Variants in AKNA observed in about 807,000 individuals in gnomAD.
AKNA encodes the protein AT-hook transcription factor.
AKNA carries 67 observed loss-of-function variants against 138.8 expected under a neutral mutation model. The ratio of observed to expected loss-of-function variants is 0.48; its 90% CI spans 0.40 to 0.59. AKNA has a LOEUF of 0.59. Ranked by LOEUF, AKNA falls within the 20% of genes least tolerant of loss-of-function variation. The pLI is 0.00. For missense variants in AKNA, 1,813 were observed against 1,880.4 expected, an observed-to-expected ratio of 0.96 and a Z score of 0.66; for synonymous variants, 737 against 754.4, an observed-to-expected ratio of 0.98 and a Z score of 0.38.
At chr9:114,393,020 A>G (rs1834405540) in intron 1 of AKNA, among the ~76,000 whole-genome samples, 1 of 152,192 alleles carries the variant, frequency 6.6e-6, no homozygotes, top group Non-Finnish European at 1.5e-5. Flanking sequence ...CGTGCCAGGA[A>G]GGGACTGCTA....
upstream of AKNA, among the ~76,000 whole-genome samples, chr9:114,391,466 T>C (rs1040628248): frequency 2.0e-5 from 3 of 152,116 alleles, no homozygotes; most frequent in African/African-American, 7.2e-5. Flanking sequence ...CGAGTATTAT[T>C]CCATTGTATA....
intron 21 of AKNA, among the ~76,000 whole-genome samples, chr9:114,337,931 G>A (rs1431282937): frequency 6.6e-6 from 1 of 152,182 alleles, no homozygotes; most frequent in Non-Finnish European, 1.5e-5. Context: ...GGAATGGGCT[G>A]ACAAGCCCAT....
intron 7 of AKNA, among the ~76,000 whole-genome samples, chr9:114,362,780 G>C (rs1832073385): frequency 6.6e-6 from 1 of 152,232 alleles, no homozygotes; most frequent in South Asian, 2.1e-4. Context: ...ACCAGCTCCA[G>C]AGGGCACCAG....
chr9:114,353,265 T>TG (rs1350562196), intron 14 of AKNA, among the ~76,000 whole-genome samples: 2 of 151,842 alleles, frequency 1.3e-5, no homozygotes, highest in Non-Finnish European at 2.9e-5. Context: ...TTTTTTGTTT[T>TG]TTTTTTTTAT....
intron 1 of AKNA, among the ~76,000 whole-genome samples, chr9:114,385,280 C>A (rs1833951404): frequency 6.6e-6 from 1 of 152,208 alleles, no homozygotes; most frequent in Non-Finnish European, 1.5e-5. Flanking sequence ...TCTAAGCGTG[C>A]AGTTTCCTGA....
Position 114,343,937 on chromosome 9 carries a change from G to T in AKNA, c.3662-134C>A, listed in dbSNP as rs1766085. ...CTGTCTCTCTCTCACGTGTGCACAC[G>T]GTGAGTGTGCATACACACATCATGT... On this transcript the variant is annotated intron_variant, in intron 18 of 21. Transcript: ENST00000374088. 522 of 740,714 alleles carry T rather than the reference G, an allele frequency of 7.0e-4. 6 individuals are homozygous for T. The East Asian group carries it at 0.012, about 17-fold the overall frequency. 45.9% of individuals were successfully genotyped at this position (740,714 alleles called of 1,614,324 possible). A position where few individuals can be genotyped will look rare whatever the true frequency, so the allele number is the denominator to read the frequency against.
At chr9:114,397,852 T>A (rs897859838), upstream of AKNA, among the ~76,000 whole-genome samples, 2 of 152,138 alleles carry the variant, frequency 1.3e-5, no homozygotes, top group Non-Finnish European at 2.9e-5. Context: ...TTGTTCTACC[T>A]TCCCCCCCGC....
At chr9:114,375,060 G>A (rs1449415881) in intron 3 of AKNA, among the ~76,000 whole-genome samples, 1 of 152,232 alleles carries the variant, frequency 6.6e-6, no homozygotes, top group Non-Finnish European at 1.5e-5. Context: ...CAGGCATCCT[G>A]TGCTTACTGA....
rs768391323 is a variant in AKNA, at chr9:114,381,083, T to A, written c.251A>T (p.Glu84Val). The change falls in exon 2 of 22, where the codon GAG becomes GTG. Residue 84 changes from glutamate to valine, a missense_variant. Physicochemically the swap from Glu to Val is moderately radical, Grantham distance 121. Coordinates refer to ENST00000374088, the MANE Select transcript of AKNA (RefSeq NM_001317950.2). ...ACCTTCTCCCGAAGTCTCTCCTGAC[T>A]CGGAATCCTGATGCCCATCGGGCTG... ...HPQPDGHQDSESGETSGEEAE... is the reference protein window; with the variant it reads ...HPQPDGHQDSVSGETSGEEAE... 1.3e-6 allele frequency: 2 copies of A among 1,576,974 alleles called. No homozygotes were observed. The highest frequency in any genetic ancestry group is 2.3e-5 in the South Asian group (2 of 87,050).
rs1170949329 is a variant in AKNA, at chr9:114,377,234, T to C, written c.573A>G (p.Pro191=). The C allele has an allele frequency of 1.2e-6, 2 of 1,614,064 alleles. No homozygotes were observed. Among genetic ancestry groups the C allele is most frequent in the Non-Finnish European group, 1.7e-6 (2 of 1,180,034 alleles). The change falls in exon 3 of 22, where the codon CCA becomes CCG. Residue 191 remains proline (P), a synonymous_variant. Transcript: ENST00000374088. The part of the protein sequence containing the change: ...DKLSEHSEVN[P]SVELSPARSW... ...ACCTTGCCGGGCTGAGTTCAACGGA[T>C]GGGTTGACCTCGGAATGTTCAGAAA... is the stretch of plus-strand genomic sequence containing the variant.
Position 114,368,544 on chromosome 9 carries a change from T to C in AKNA, c.1468A>G (p.Met490Val). 1 of 1,391,322 alleles carries C rather than the reference T, an allele frequency of 7.2e-7. No individual in the cohort carries two copies. Among genetic ancestry groups the C allele is most frequent in the Non-Finnish European group, 9.4e-7 (1 of 1,065,986 alleles). 86.2% of individuals were successfully genotyped at this position (1,391,322 alleles called of 1,614,324 possible). A position where few individuals can be genotyped will look rare whatever the true frequency, so the allele number is the denominator to read the frequency against. Reference sequence around the variant, plus strand: ...AAGACCTTGGTCCCCTGGGGCACCATTCCCGTGTGGATGCTGTGGTTGGGC... The same window carrying C: ...AAGACCTTGGTCCCCTGGGGCACCACTCCCGTGTGGATGCTGTGGTTGGGC... ...PQPNHSIHTGMVPQGTKVLSF... is the reference protein window; with the variant it reads ...PQPNHSIHTGVVPQGTKVLSF... The change falls in exon 5 of 22, where the codon ATG (methionine) becomes GTG (valine). Residue 490 changes from methionine (M) to valine (V), a missense_variant. Transcript: ENST00000374088.
At chr9:114,334,080 G>C (rs1377923580), downstream of AKNA, 1 of 134,076 alleles carries the variant, frequency 7.5e-6, no homozygotes, top group Non-Finnish European at 1.6e-5. Flanking sequence ...CACCATGATT[G>C]TAAGTTTCCT....
chr9:114,355,569 T>C (rs1588969344), intron 14 of AKNA, among the ~76,000 whole-genome samples: 1 of 152,238 alleles, frequency 6.6e-6, no homozygotes, highest in East Asian at 1.9e-4. Context: ...CTGCAATGAC[T>C]GCAACATCGC....
Position 114,336,872 on chromosome 9 carries a change from G to A in AKNA, c.*182C>T, listed in dbSNP as rs1766086. The A allele has an allele frequency of 0.019, 13,531 of 706,446 alleles. 1,435 individuals carry two copies. The African/African-American group carries it at 0.22, about 12-fold the overall frequency. The allele number at this position is 706,446 out of a possible 1,614,324, so 43.8% of individuals were successfully genotyped here. A position where few individuals can be genotyped will look rare whatever the true frequency, so the allele number is the denominator to read the frequency against. ...TGGGAAGTCACTTCTCTTGGTGACCGAGCTGACACCCCCTCCACTTGGAAA... is the reference window on the plus strand; with the variant it reads ...TGGGAAGTCACTTCTCTTGGTGACCAAGCTGACACCCCCTCCACTTGGAAA... On this transcript the variant is annotated 3_prime_UTR_variant, in exon 22 of 22. Transcript: ENST00000374088.
chr9:114,356,169 G>A, intron 13 of AKNA, 33 bp from the exon 14 acceptor site: 1 of 1,589,606 alleles, frequency 6.3e-7, no homozygotes, highest in Non-Finnish European at 8.6e-7. Flanking sequence ...ACACACAGGG[G>A]TCACACAGAG....
chr9:114,351,592 T>A (rs1831124644), intron 14 of AKNA, among the ~76,000 whole-genome samples: 1 of 151,622 alleles, frequency 6.6e-6, no homozygotes, highest in Non-Finnish European at 1.5e-5. Flanking sequence ...ACGGGAGGAT[T>A]GCTTGCGCCC....
chr9:114,331,838 A>G (rs1227228999), downstream of AKNA: 1 of 1,613,766 alleles, frequency 6.2e-7, no homozygotes, highest in Non-Finnish European at 8.5e-7. Context: ...GACAAGCCAG[A>G]GACGACCAAG....
At chr9:114,383,382 G>A (rs2132107534) in intron 1 of AKNA, among the ~76,000 whole-genome samples, 1 of 152,318 alleles carries the variant, frequency 6.6e-6, no homozygotes, top group East Asian at 1.9e-4. Flanking sequence ...GCCAGGCCCA[G>A]GAAGTGCAAA....
chr9:114,383,040 G>C (rs1348921061), intron 1 of AKNA: 3 of 430,242 alleles, frequency 7.0e-6, no homozygotes, highest in African/African-American at 6.1e-5. Flanking sequence ...GGCGAGCTGG[G>C]GGCGGGGAGC....
Sources: allele counts gnomAD v4.1 joint callset (sites outside exome capture counted in the v4.1 genomes callset), GRCh38; gene constraint gnomAD v4.1.1; transcripts MANE v1.5; gene names NCBI Gene and HGNC (gene_info 2026-07-23, HGNC 2026-07-21).